SCMH1: variants seen among roughly 807,000 people sequenced by gnomAD.
SCMH1 encodes the protein polycomb protein SCMH1.
Under a neutral mutation model 70.8 loss-of-function variants are expected in SCMH1, and 37 were observed. The observed-to-expected ratio is 0.52, with a 90% CI of 0.40 to 0.69. The LOEUF is 0.69. Ranked by LOEUF, SCMH1 falls within the 30% of genes least tolerant of loss-of-function variation. The pLI, the probability that SCMH1 is intolerant of heterozygous loss-of-function variation, is 0.00. For synonymous variants in SCMH1, 292 were observed against 307.4 expected (o/e 0.95, Z 0.52); for missense variants, 607 against 827.3 (o/e 0.73, Z 3.27).
chr1:41,140,045 G>A (rs1643901859), intron 6 of SCMH1, among the ~76,000 whole-genome samples: 2 of 152,036 alleles, frequency 1.3e-5, no homozygotes, highest in South Asian at 4.1e-4. Flanking sequence ...TTTCTTAAGG[G>A]TAAGGAAAAA....
chr1:41,034,623 G>A (rs1038102099), intron 13 of SCMH1, among the ~76,000 whole-genome samples: 12 of 152,042 alleles, frequency 7.9e-5, no homozygotes, highest in Non-Finnish European at 1.2e-4. Flanking sequence ...CACCGTGCCC[G>A]GCCGAGGTGA....
intron 13 of SCMH1, among the ~76,000 whole-genome samples, chr1:41,036,429 A>C (rs1181458455): frequency 6.6e-6 from 1 of 152,160 alleles, no homozygotes; most frequent in African/African-American, 2.4e-5. Context: ...TAAATCCTCA[A>C]ATCTGATTAA....
intron 4 of SCMH1, among the ~76,000 whole-genome samples, chr1:41,153,430 T>C (rs959886960): frequency 7.2e-5 from 11 of 152,232 alleles, no homozygotes; most frequent in African/African-American, 2.7e-4. Context: ...GGGTAACTGC[T>C]TATATTAGCT....
intron 2 of SCMH1, among the ~76,000 whole-genome samples, chr1:41,174,503 ACAAAAATGCAATC>A (rs1646986402): frequency 6.6e-6 from 1 of 152,226 alleles, no homozygotes; most frequent in Admixed American, 6.5e-5. Context: ...ATGGATAACT[ACAAAAATGCAATC>A]CAGGCAGAAC....
intron 8 of SCMH1, among the ~76,000 whole-genome samples, chr1:41,110,183 G>GC (rs931519813): frequency 6.6e-6 from 1 of 152,080 alleles, no homozygotes; most frequent in Non-Finnish European, 1.5e-5. Flanking sequence ...CTTTCATTCT[G>GC]CCCGAGGATC....
At chr1:41,224,596 A>C (rs943178088) in intron 1 of SCMH1, among the ~76,000 whole-genome samples, 5 of 152,214 alleles carry the variant, frequency 3.3e-5, no homozygotes, top group Non-Finnish European at 7.3e-5. Context: ...TCTACTAGAC[A>C]CTTTTTTATA....
At chr1:41,066,874 G>C (rs1305964859) in intron 10 of SCMH1, among the ~76,000 whole-genome samples, 1 of 152,138 alleles carries the variant, frequency 6.6e-6, no homozygotes, top group Non-Finnish European at 1.5e-5. Context: ...ACAGGCATGA[G>C]CCACTGTGCC....
exon 15 of SCMH1, chr1:41,027,282 TGCTTACAAGGAA>T (rs1290556303): frequency 6.6e-6 from 1 of 152,258 alleles, no homozygotes; most frequent in Non-Finnish European, 1.5e-5. Flanking sequence ...GCTGCTGACT[TGCTTACAAGGAA>T]GCCTGTGGAC....
intron 13 of SCMH1, among the ~76,000 whole-genome samples, chr1:41,034,906 A>T (rs11580656): frequency 0.078 from 11,890 of 152,116 alleles, 599 homozygotes; most frequent in South Asian, 0.13. Context: ...TTAGCTCACT[A>T]CCCACTGTTC....
intron 10 of SCMH1, among the ~76,000 whole-genome samples, chr1:41,059,691 A>G (rs1651870622): frequency 6.6e-6 from 1 of 152,216 alleles, no homozygotes; most frequent in Non-Finnish European, 1.5e-5. Flanking sequence ...GAGCTAAAAG[A>G]GCACTGTAGC....
chr1:41,209,340 G>C lies in SCMH1; in HGVS notation c.-117-23090C>G, dbSNP rs1656424562. On this transcript the variant is annotated intron_variant, in intron 1 of 14. Transcript: ENST00000337495. ...GAAACTATTCCAAGCAATAAAAAAA[G>C]AGGGAATCCTCTCTAACTCATTTTA... Among the ~76,000 whole-genome samples, 3 of 152,170 alleles carry C rather than the reference G, an allele frequency of 2.0e-5. 1 individual carries two copies. In the South Asian group the frequency reaches 6.2e-4, roughly 32 times the overall value.
intron 8 of SCMH1, among the ~76,000 whole-genome samples, chr1:41,083,735 G>A (rs1179828686): frequency 1.3e-5 from 2 of 152,042 alleles, no homozygotes; most frequent in Admixed American, 6.6e-5. Context: ...ATACTACAAG[G>A]CTACAGTAAC....
intron 12 of SCMH1, among the ~76,000 whole-genome samples, chr1:41,040,237 T>C (rs868565949): frequency 6.6e-6 from 1 of 152,224 alleles, no homozygotes; most frequent in Non-Finnish European, 1.5e-5. Context: ...ATACTAGTTA[T>C]GGTACATGCA....
intron 2 of SCMH1, among the ~76,000 whole-genome samples, chr1:41,183,111 T>C (rs984797497): frequency 6.6e-6 from 1 of 152,222 alleles, no homozygotes; most frequent in African/African-American, 2.4e-5. Context: ...ATCAGAAACC[T>C]GTAATCCCTC....
intron 2 of SCMH1, among the ~76,000 whole-genome samples, chr1:41,175,655 T>C (rs6656085): frequency 0.46 from 70,458 of 152,022 alleles, 18,079 homozygotes; most frequent in Admixed American, 0.6. Context: ...CAATTAAGGG[T>C]GCTTTACAAA....
chr1:41,076,735 G>A (rs1203702219), intron 8 of SCMH1, among the ~76,000 whole-genome samples: 1 of 152,174 alleles, frequency 6.6e-6, no homozygotes, highest in South Asian at 2.1e-4. Context: ...TCTGAGACAG[G>A]AACATGTTAG....
At chr1:41,194,497 T>C (rs1409337589) in intron 1 of SCMH1, among the ~76,000 whole-genome samples, 1 of 152,240 alleles carries the variant, frequency 6.6e-6, no homozygotes, top group Non-Finnish European at 1.5e-5. Flanking sequence ...GCCAGAAGGC[T>C]GGTTATCCAG....
At chr1:41,030,825 C>T (rs530116073) in intron 13 of SCMH1, among the ~76,000 whole-genome samples, 5 of 152,286 alleles carry the variant, frequency 3.3e-5, no homozygotes, top group South Asian at 4.1e-4. Context: ...AGTAGATGTT[C>T]GAACACATCT....
At chr1:41,143,484 CT>C (rs1014499112) in intron 5 of SCMH1, among the ~76,000 whole-genome samples, 23 of 152,210 alleles carry the variant, frequency 1.5e-4, no homozygotes, top group African/African-American at 5.5e-4. Flanking sequence ...CTTAGTGTCT[CT>C]TTGTGGAATA....
Sources: allele counts gnomAD v4.1 joint callset (sites outside exome capture counted in the v4.1 genomes callset), GRCh38; gene constraint gnomAD v4.1.1; transcripts MANE v1.5; gene names NCBI Gene and HGNC (gene_info 2026-07-23, HGNC 2026-07-21).